APBA2: variants seen among roughly 807,000 people sequenced by gnomAD.
APBA2 encodes amyloid beta precursor protein binding family A member 2.
A neutral mutation model predicts 75.0 loss-of-function variants in APBA2; 30 were observed. That is an observed-to-expected ratio of 0.40 (90% confidence interval 0.30 to 0.54). APBA2 has a LOEUF of 0.54. Among genes scored for constraint, APBA2 ranks in the 20% least tolerant of loss-of-function variants. APBA2 has a pLI of 0.49. For missense variants in APBA2, 801 were observed against 1,016.1 expected (o/e 0.79, Z 2.88); for synonymous variants, 444 against 409.6 (o/e 1.08, Z -1.01).
At chr15:29,002,642 C>T (rs565673073) in intron 3 of APBA2, among the ~76,000 whole-genome samples, 5 of 151,912 alleles carry the variant, frequency 3.3e-5, no homozygotes, top group South Asian at 4.2e-4. Context: ...GTGTTTTGTC[C>T]GTTGTTGGAT....
At chr15:29,004,803 C>A (rs986325823) in intron 3 of APBA2, among the ~76,000 whole-genome samples, 4 of 152,146 alleles carry the variant, frequency 2.6e-5, no homozygotes, top group African/African-American at 9.7e-5. Context: ...CCTCAGCCTC[C>A]CGAGTAGCTG....
intron 4 of APBA2, chr15:29,071,070 C>A (rs1484157753): frequency 2.2e-6 from 1 of 456,694 alleles, no homozygotes; most frequent in Non-Finnish European, 4.4e-6. Context: ...TTGGAAGCAT[C>A]CTGACTATGT....
chr15:29,112,056 C>T (rs1029593714), intron 13 of APBA2, among the ~76,000 whole-genome samples: 1 of 152,184 alleles, frequency 6.6e-6, no homozygotes, highest in Non-Finnish European at 1.5e-5. Flanking sequence ...CTCTGGGCAC[C>T]CCCATCCCCA....
chr15:28,964,446 G>C (rs558972681), intron 2 of APBA2, among the ~76,000 whole-genome samples: 34 of 150,722 alleles, frequency 2.3e-4, no homozygotes, highest in Non-Finnish European at 4.3e-4. Flanking sequence ...TTTGCCATCT[G>C]TGTATCTTCA....
intron 2 of APBA2, among the ~76,000 whole-genome samples, chr15:28,988,276 T>A (rs1004316299): frequency 2.0e-5 from 3 of 151,838 alleles, no homozygotes; most frequent in Non-Finnish European, 4.4e-5. Context: ...GCCTTTTTTT[T>A]TTTTTGAGAT....
chr15:28,993,434 A>G (rs2038342272), intron 2 of APBA2, among the ~76,000 whole-genome samples: 1 of 152,208 alleles, frequency 6.6e-6, no homozygotes, highest in South Asian at 2.1e-4. Context: ...TTGAGCGAAA[A>G]TGCTGCTGGG....
intron 2 of APBA2, among the ~76,000 whole-genome samples, chr15:28,963,886 T>C (rs2036601244): frequency 6.6e-6 from 1 of 152,140 alleles, no homozygotes; most frequent in South Asian, 2.1e-4. Flanking sequence ...GTAGTTATAA[T>C]GTATGTATGT....
chr15:28,988,493 G>T (rs1348120524), intron 2 of APBA2, among the ~76,000 whole-genome samples: 1 of 151,950 alleles, frequency 6.6e-6, no homozygotes, highest in Non-Finnish European at 1.5e-5. Flanking sequence ...CGAACTCCTG[G>T]CCTCAAGTGA....
At chr15:28,912,368 A>C (rs2152652169) in intron 1 of APBA2, among the ~76,000 whole-genome samples, 1 of 152,216 alleles carries the variant, frequency 6.6e-6, no homozygotes, top group East Asian at 1.9e-4. Flanking sequence ...TCTGAAATGT[A>C]GAAACTGTGG....
chr15:29,094,978 G>T (rs923751461), intron 8 of APBA2, among the ~76,000 whole-genome samples: 1 of 151,812 alleles, frequency 6.6e-6, no homozygotes, highest in Admixed American at 6.6e-5. Context: ...GAAGTGGGAG[G>T]AGCACTTGAG....
At chr15:29,037,182 G>C (rs778367158) in intron 3 of APBA2, among the ~76,000 whole-genome samples, 1 of 152,208 alleles carries the variant, frequency 6.6e-6, no homozygotes, top group Non-Finnish European at 1.5e-5. Context: ...TTATCAAAGT[G>C]ATTGAGTAAC....
rs560243433 is a variant in APBA2 at position 28,923,146 on chromosome 15, C to T, written c.-95+1397C>T. Among the ~76,000 whole-genome samples, 4 of 152,276 alleles carry T rather than the reference C, an allele frequency of 2.6e-5. No individual in the cohort carries two copies. In the East Asian group the frequency reaches 7.7e-4, roughly 29 times the overall value. On this transcript the variant is annotated intron_variant, in intron 2 of 14. Coordinates refer to ENST00000683413, the MANE Select transcript of APBA2 (RefSeq NM_001353788.2). The stretch of plus-strand genomic sequence containing the variant: ...TTATATTGTCAGCCTGATACATATG[C>T]ATATTTTAAGATGTCAAAGAGTTTT...
chr15:28,957,084 T>C (rs1398669991), intron 2 of APBA2, among the ~76,000 whole-genome samples: 1 of 152,110 alleles, frequency 6.6e-6, no homozygotes, highest in South Asian at 2.1e-4. Flanking sequence ...TTTTTTCTTT[T>C]TCTTTTGAGA....
chr15:28,990,130 CAGA>C (rs2038144700), intron 2 of APBA2, among the ~76,000 whole-genome samples: 1 of 152,200 alleles, frequency 6.6e-6, no homozygotes, highest in Non-Finnish European at 1.5e-5. Context: ...CAACCCTACA[CAGA>C]AGAAGTTAGC....
intron 3 of APBA2, among the ~76,000 whole-genome samples, chr15:29,013,813 TAAAG>T (rs2039523825): frequency 6.6e-6 from 1 of 152,216 alleles, no homozygotes; most frequent in Non-Finnish European, 1.5e-5. Flanking sequence ...AGTTAGGCCT[TAAAG>T]AAATTAAGCC....
intron 2 of APBA2, among the ~76,000 whole-genome samples, chr15:28,926,370 A>G (rs987045071): frequency 2.6e-5 from 4 of 152,188 alleles, no homozygotes; most frequent in African/African-American, 7.2e-5. Flanking sequence ...GTATTTCAAA[A>G]TAATCTAAGC....
chr15:28,984,903 G>C (rs1243888465), intron 2 of APBA2, among the ~76,000 whole-genome samples: 2 of 146,366 alleles, frequency 1.4e-5, no homozygotes, highest in Non-Finnish European at 3.0e-5. Flanking sequence ...CTGGGGGTTG[G>C]GGGGAGCTGC....
chr15:28,893,875 C>A (rs947126205), intron 1 of APBA2: 1 of 152,196 alleles, frequency 6.6e-6, no homozygotes, highest in African/African-American at 2.4e-5. Flanking sequence ...TGATCACAGG[C>A]GTGCCTGTGC....
chr15:28,983,801 C>G (rs2037753183), intron 2 of APBA2, among the ~76,000 whole-genome samples: 1 of 152,224 alleles, frequency 6.6e-6, no homozygotes, highest in South Asian at 2.1e-4. Context: ...AAACCCACCT[C>G]TGGGGAAGGT....
Sources: allele counts gnomAD v4.1 joint callset (sites outside exome capture counted in the v4.1 genomes callset), GRCh38; gene constraint gnomAD v4.1.1; transcripts MANE v1.5; gene names NCBI Gene and HGNC (gene_info 2026-07-23, HGNC 2026-07-21).